DRC4: variants seen among roughly 807,000 people sequenced by gnomAD.
DRC4 encodes the protein GAS-11.
At chr16:90,036,119 G>A in the DRC4 span, 4 of 576,380 alleles carry the variant, frequency 6.9e-6, no homozygotes, top group Non-Finnish European at 1.2e-5. Context: ...CTGACATTCA[G>A]CTGTTGGCAC....
At chr16:90,021,068 A>C in the DRC4 span, among the ~76,000 whole-genome samples, 1 of 152,228 alleles carries the variant, frequency 6.6e-6, no homozygotes, top group South Asian at 2.1e-4. Flanking sequence ...GCCAGACTTC[A>C]CAGAGGCCTC....
At chr16:90,022,240 G>A in the DRC4 span, 4,730 of 156,808 alleles carry the variant, frequency 0.03, 85 homozygotes, top group Middle Eastern at 0.16. Flanking sequence ...GCAGCTGGGA[G>A]GGCCCTTCAA....
chr16:90,035,496 T>C, the DRC4 span: 1 of 1,094,864 alleles, frequency 9.1e-7, no homozygotes. Flanking sequence ...CTCTCAAGCT[T>C]AGAGGTGACT....
the DRC4 span, among the ~76,000 whole-genome samples, chr16:90,034,220 C>T: frequency 9.1e-3 from 1,388 of 152,286 alleles, 17 homozygotes; most frequent in Middle Eastern, 0.027. Flanking sequence ...TTGCTGACTT[C>T]GCAGCAAAGC....
At chr16:90,035,878 A>T in the DRC4 span, 1 of 1,474,184 alleles carries the variant, frequency 6.8e-7, no homozygotes, top group Non-Finnish European at 9.0e-7. Flanking sequence ...ACCTATTTCC[A>T]TGTGAGTTTG....
the DRC4 span, chr16:90,027,943 G>A: frequency 1.8e-6 from 1 of 552,846 alleles, no homozygotes; most frequent in East Asian, 2.9e-5. Flanking sequence ...TTGTAACAGG[G>A]TGGTAGGAGT....
chr16:90,027,171 CAT>C, the DRC4 span, among the ~76,000 whole-genome samples: 3 of 150,392 alleles, frequency 2.0e-5, no homozygotes, highest in South Asian at 6.4e-4. Flanking sequence ...CTGCAAACTC[CAT>C]GCCCCAGGTT....
the DRC4 span, chr16:90,044,193 G>A: frequency 6.6e-6 from 3 of 454,732 alleles, no homozygotes; most frequent in Non-Finnish European, 1.3e-5. Context: ...GAGGCAGTGA[G>A]GTTAGGCCCA....
the DRC4 span, chr16:90,042,762 TA>T: frequency 5.3e-6 from 3 of 563,592 alleles, no homozygotes; most frequent in African/African-American, 1.9e-5. Context: ...GGGATGGGTG[TA>T]GGGGGGGACC....
the DRC4 span, among the ~76,000 whole-genome samples, chr16:90,023,619 CATT>C: frequency 5.0e-3 from 700 of 139,254 alleles, 19 homozygotes; most frequent in Non-Finnish European, 7.9e-3. Context: ...GAGAGCAGTA[CATT>C]ACGAATTAAA....
At chr16:90,022,520 C>T in the DRC4 span, 7 of 496,188 alleles carry the variant, frequency 1.4e-5, no homozygotes, top group African/African-American at 4.0e-5. Flanking sequence ...GCGACATTTT[C>T]CCAACGTTCA....
the DRC4 span, chr16:90,032,804 G>A: frequency 4.3e-6 from 7 of 1,613,984 alleles, no homozygotes; most frequent in Non-Finnish European, 5.9e-6. Context: ...TAGTCATGAA[G>A]CTGGCACAGA....
At chr16:90,024,195 C>G in the DRC4 span, among the ~76,000 whole-genome samples, 2 of 151,764 alleles carry the variant, frequency 1.3e-5, no homozygotes, top group Non-Finnish European at 2.9e-5. Context: ...CCTATAGTCC[C>G]AGCTACTTGG....
the DRC4 span, chr16:90,040,193 G>C: frequency 9.2e-7 from 1 of 1,086,574 alleles, no homozygotes; most frequent in Non-Finnish European, 1.3e-6. Flanking sequence ...GGCACTGTTG[G>C]GAGGCAGCGT....
At chr16:90,026,769 A>C in the DRC4 span, among the ~76,000 whole-genome samples, 1 of 149,356 alleles carries the variant, frequency 6.7e-6, no homozygotes, top group Non-Finnish European at 1.5e-5. Context: ...TGCAGCCTTA[A>C]ACTTCTAGGC....
chr16:90,020,029 G>A, the DRC4 span: 1 of 696,312 alleles, frequency 1.4e-6, no homozygotes, highest in Non-Finnish European at 2.6e-6. Context: ...TGACCCCCAT[G>A]TCCCTATCGC....
chr16:90,035,189 C>A, the DRC4 span, among the ~76,000 whole-genome samples: 2 of 152,154 alleles, frequency 1.3e-5, no homozygotes, highest in Admixed American at 1.3e-4. Flanking sequence ...AGGCGTGAGC[C>A]ACTGTGCCCG....
At chr16:90,026,686 C>G in the DRC4 span, among the ~76,000 whole-genome samples, 311 of 152,178 alleles carry the variant, frequency 2.0e-3, no homozygotes, top group African/African-American at 6.8e-3. Flanking sequence ...TGGGTTCCCC[C>G]CTCTCTTAGT....
chr16:90,027,591 G>A, the DRC4 span: 4 of 1,591,226 alleles, frequency 2.5e-6, no homozygotes, highest in Non-Finnish European at 3.4e-6. Flanking sequence ...CAGCCAAGAA[G>A]GGGAAGCTGT....
Sources: gnomAD v4.1 joint callset for allele counts (sites outside exome capture counted in the v4.1 genomes callset) on GRCh38, gnomAD v4.1.1 for gene constraint, MANE v1.5 for transcripts, NCBI Gene and HGNC (gene_info 2026-07-23, HGNC 2026-07-21) for gene names.